Variants in LOXL2 observed in about 807,000 individuals in gnomAD.
LOXL2 encodes lysyl oxidase homolog 2.
A neutral mutation model predicts 93.0 loss-of-function variants in LOXL2; 70 were observed. The observed-to-expected ratio is 0.75, with a 90% CI of 0.62 to 0.92. LOXL2 has a LOEUF of 0.92. Among genes scored for constraint, LOXL2 ranks in the 40% least tolerant of loss-of-function variants. The pLI is 0.00. For missense variants in LOXL2, 973 were observed against 1,054.9 expected, an observed-to-expected ratio of 0.92 and a Z score of 1.08; for synonymous variants, 438 against 413.2, an observed-to-expected ratio of 1.06 and a Z score of -0.73.
At chr8:23,346,142 T>TAA (rs1554479818) in intron 3 of LOXL2, among the ~76,000 whole-genome samples, 36 of 112,548 alleles carry the variant, frequency 3.2e-4, no homozygotes, top group African/African-American at 1.0e-3. Context: ...TAAAATAAAA[T>TAA]AAATAAAATA....
chr8:23,383,664 T>G (rs1453039700), intron 1 of LOXL2, among the ~76,000 whole-genome samples: 15 of 97,476 alleles, frequency 1.5e-4, no homozygotes, highest in Admixed American at 4.6e-4. Flanking sequence ...TTTGTTTTTT[T>G]TTTTTTTTTT....
chr8:23,332,893 C>A, intron 5 of LOXL2, among the ~76,000 whole-genome samples: 1 of 145,556 alleles, frequency 6.9e-6, no homozygotes, highest in Non-Finnish European at 1.5e-5. Flanking sequence ...TACACACACC[C>A]CCATACACAT....
chr8:23,380,637 T>G (rs55778316), intron 1 of LOXL2, among the ~76,000 whole-genome samples: 18,526 of 138,450 alleles, frequency 0.13, 1,394 homozygotes, highest in Admixed American at 0.18. Flanking sequence ...ACTCTTAAAG[T>G]TTTTTTTTGT....
intron 1 of LOXL2, among the ~76,000 whole-genome samples, chr8:23,391,715 A>G (rs1158934055): frequency 6.6e-6 from 1 of 152,218 alleles, no homozygotes; most frequent in Non-Finnish European, 1.5e-5. Flanking sequence ...ACTGCAAGCA[A>G]GTCCAGGGAT....
intron 9 of LOXL2, among the ~76,000 whole-genome samples, chr8:23,311,381 C>A (rs757455673): frequency 3.2e-4 from 48 of 152,214 alleles, no homozygotes; most frequent in Non-Finnish European, 4.3e-4. Flanking sequence ...ACAAGTATTT[C>A]TTCTTGGAGG....
intron 1 of LOXL2, among the ~76,000 whole-genome samples, chr8:23,376,601 T>C (rs991713832): frequency 1.3e-5 from 2 of 152,198 alleles, no homozygotes; most frequent in Non-Finnish European, 2.9e-5. Context: ...CTATTAATTA[T>C]TGCCTCAATT....
At chr8:23,364,301 C>T (rs752969083) in intron 2 of LOXL2, 1 of 152,178 alleles carries the variant, frequency 6.6e-6, no homozygotes, top group Non-Finnish European at 1.5e-5. Flanking sequence ...GATGCCTCCT[C>T]AGAGCTGCCA....
intron 1 of LOXL2, among the ~76,000 whole-genome samples, chr8:23,373,033 C>A (rs575927658): frequency 6.6e-6 from 1 of 152,276 alleles, no homozygotes; most frequent in South Asian, 2.1e-4. Flanking sequence ...TTGACTACAA[C>A]AGAATTCAGC....
intron 1 of LOXL2, among the ~76,000 whole-genome samples, chr8:23,383,670 T>G (rs1804713169): frequency 9.1e-6 from 1 of 110,254 alleles, no homozygotes; most frequent in Admixed American, 9.6e-5. Flanking sequence ...TTTTTTTTTT[T>G]TTTTTTTTGA....
At chr8:23,348,998 C>T (rs182780313) in intron 3 of LOXL2, among the ~76,000 whole-genome samples, 14 of 135,960 alleles carry the variant, frequency 1.0e-4, no homozygotes, top group African/African-American at 4.4e-4. Context: ...CCAAGATGCC[C>T]TCAACTCTTC....
chr8:23,383,739 C>T (rs1388419214), intron 1 of LOXL2, among the ~76,000 whole-genome samples: 1 of 147,782 alleles, frequency 6.8e-6, no homozygotes, highest in Non-Finnish European at 1.5e-5. Flanking sequence ...CGGCTCACTG[C>T]AAGCTCTGCC....
intron 3 of LOXL2, among the ~76,000 whole-genome samples, chr8:23,342,926 TA>T (rs1803907899): frequency 6.6e-6 from 1 of 152,000 alleles, no homozygotes; most frequent in Admixed American, 6.6e-5. Context: ...AATTTTAAAA[TA>T]TATTTCAGAG....
Position 23,316,991 on chromosome 8 carries a change from G to A in LOXL2, c.1594C>T (p.Gln532Ter), listed in dbSNP as rs747178789. ...CCGGCCCCGTACTGCACTCCGCCCT[G>A]GGGGCAGGCCACGTCCTCCCCGTCG... is the stretch of plus-strand genomic sequence containing the variant. The part of the protein sequence containing the change: ...RHDGEDVACP[Q>*]GGVQYGAGVA... Residue 532 changes from glutamine (Q) to a stop codon, truncating the protein, a stop_gained, in exon 9 of 14, where the codon CAG becomes TAG. Coordinates refer to ENST00000389131, the MANE Select transcript of LOXL2 (RefSeq NM_002318.3). LOFTEE classifies it high-confidence loss of function. 1.9e-6 allele frequency: 3 copies of A among 1,613,784 alleles called. No individual in the cohort carries two copies. The highest frequency in any genetic ancestry group is 1.7e-5 in the Admixed American group (1 of 59,942).
chr8:23,396,507 G>A (rs994165120), intron 1 of LOXL2, among the ~76,000 whole-genome samples: 4 of 152,126 alleles, frequency 2.6e-5, no homozygotes, highest in African/African-American at 9.7e-5. Context: ...ACCCTACAAT[G>A]GCCAAGGGGC....
rs78161573 is a variant in LOXL2, at chr8:23,311,911, T to A, written c.1637-2000A>T. Among the ~76,000 whole-genome samples, 651 of 152,282 alleles carry A rather than the reference T, an allele frequency of 4.3e-3. 7 individuals are homozygous for A. Among genetic ancestry groups the A allele is most frequent in the African/African-American group, 0.015 (613 of 41,562 alleles). On this transcript the variant is annotated intron_variant, in intron 9 of 13. Transcript: ENST00000389131. ...TTTGGGAGAAGTTGTGTTTTAGTTTTTCTCTGAAGGAGGAGTGGGGATTCG... is the reference window on the plus strand; with the variant it reads ...TTTGGGAGAAGTTGTGTTTTAGTTTATCTCTGAAGGAGGAGTGGGGATTCG...
intron 3 of LOXL2, among the ~76,000 whole-genome samples, chr8:23,356,306 C>G (rs1804197511): frequency 6.6e-6 from 1 of 152,220 alleles, no homozygotes; most frequent in East Asian, 1.9e-4. Context: ...CGTCCACAAG[C>G]TATGTCTCTT....
rs1803876807 is a variant in LOXL2 at position 23,341,154 on chromosome 8, G to C, written c.581C>G (p.Thr194Ser). The C allele has an allele frequency of 6.2e-7, 1 of 1,613,742 alleles. No homozygotes were observed. The highest frequency in any genetic ancestry group is 1.3e-5 in the African/African-American group (1 of 74,922). ...EDIRIRAILSTYRKRTPVMEG... is the reference protein window; with the variant it reads ...EDIRIRAILSSYRKRTPVMEG... ...CATCACTGGGGTGCGCTTGCGGTAGGTTGAGAGGATGGCTCGAATCCGAAT... is the reference window on the plus strand; with the variant it reads ...CATCACTGGGGTGCGCTTGCGGTAGCTTGAGAGGATGGCTCGAATCCGAAT... The change falls in exon 4 of 14, where the codon ACC becomes AGC. Residue 194 changes from threonine (T) to serine (S), a missense_variant. Transcript: ENST00000389131.
chr8:23,309,603 C>G (rs1158850203), intron 10 of LOXL2, 65 bp downstream of exon 10: 16 of 1,346,404 alleles, frequency 1.2e-5, no homozygotes, highest in Non-Finnish European at 1.4e-5. Flanking sequence ...ACTCTCAACT[C>G]CCATCTGAGG....
intron 8 of LOXL2, among the ~76,000 whole-genome samples, chr8:23,319,444 G>A (rs73543999): frequency 0.07 from 10,700 of 152,240 alleles, 711 homozygotes; most frequent in African/African-American, 0.18. Flanking sequence ...GCGGGGAAAC[G>A]TGTTCAGACC....
Sources: allele counts gnomAD v4.1 joint callset (sites outside exome capture counted in the v4.1 genomes callset), GRCh38; gene constraint gnomAD v4.1.1; transcripts MANE v1.5; gene names NCBI Gene and HGNC (gene_info 2026-07-23, HGNC 2026-07-21).